Variants in MAF observed in about 807,000 individuals in gnomAD.
The protein encoded by MAF is transcription factor Maf.
In MAF, 10 loss-of-function variants were observed where a neutral mutation model predicts 22.0. The observed-to-expected ratio is 0.45, with a 90% CI of 0.28 to 0.77. MAF has a LOEUF of 0.77. Among genes scored for constraint, MAF ranks in the 30% least tolerant of loss-of-function variants. The probability of loss-of-function intolerance (pLI) is 0.12; values close to 1 mark genes in which losing one functional copy is unlikely to be tolerated. For synonymous variants in MAF, 337 were observed against 255.8 expected (o/e 1.32, Z -3.03); for missense variants, 544 against 548.4 (o/e 0.99, Z 0.08).
At chr16:79,439,156 T>G in the MAF span, among the ~76,000 whole-genome samples, 1 of 152,096 alleles carries the variant, frequency 6.6e-6, no homozygotes, top group African/African-American at 2.4e-5. Context: ...CATCGTTCAT[T>G]TACGTACCAA....
At chr16:79,342,400 G>C in the MAF span, among the ~76,000 whole-genome samples, 1 of 152,218 alleles carries the variant, frequency 6.6e-6, no homozygotes, top group Non-Finnish European at 1.5e-5. Context: ...GGCAGTTAAA[G>C]GGGCTTGAAT....
chr16:79,455,338 G>A, the MAF span, among the ~76,000 whole-genome samples: 5 of 152,130 alleles, frequency 3.3e-5, no homozygotes, highest in Non-Finnish European at 4.4e-5. Context: ...CTTTAAAAAC[G>A]ATGCTCTTTG....
the MAF span, among the ~76,000 whole-genome samples, chr16:79,237,515 A>C: frequency 6.6e-6 from 1 of 152,026 alleles, no homozygotes; most frequent in Admixed American, 6.6e-5. Context: ...CTCACTTCCC[A>C]TGGTTCTTCT....
chr16:79,487,512 C>A, the MAF span, among the ~76,000 whole-genome samples: 11 of 151,982 alleles, frequency 7.2e-5, no homozygotes, highest in Non-Finnish European at 1.2e-4. Flanking sequence ...TGAAAGAAGG[C>A]ATTTTTTCTG....
the MAF span, among the ~76,000 whole-genome samples, chr16:79,254,286 G>C: frequency 6.6e-6 from 1 of 151,962 alleles, no homozygotes; most frequent in East Asian, 1.9e-4. Context: ...TATATATGTA[G>C]TAGTGTATGC....
chr16:79,282,068 C>T, the MAF span, among the ~76,000 whole-genome samples: 43 of 152,056 alleles, frequency 2.8e-4, 1 homozygote, highest in South Asian at 1.2e-3. Context: ...TATGGGAGGC[C>T]GAGGCTGTTG....
At chr16:79,555,842 T>C in the MAF span, among the ~76,000 whole-genome samples, 1 of 152,182 alleles carries the variant, frequency 6.6e-6, no homozygotes, top group Admixed American at 6.5e-5. Flanking sequence ...CAGATATAGA[T>C]AACTTTGAGG....
chr16:79,256,707 C>T, the MAF span, among the ~76,000 whole-genome samples: 9 of 152,316 alleles, frequency 5.9e-5, 1 homozygote, highest in Admixed American at 2.6e-4. Flanking sequence ...CATGTCTGTT[C>T]ACCGGCACTC....
At chr16:79,276,812 C>T in the MAF span, among the ~76,000 whole-genome samples, 80 of 152,214 alleles carry the variant, frequency 5.3e-4, no homozygotes, top group Admixed American at 2.8e-3. Flanking sequence ...ATTCATTCTC[C>T]CCACAGTTCT....
At chr16:79,317,464 T>C in the MAF span, among the ~76,000 whole-genome samples, 1 of 118,876 alleles carries the variant, frequency 8.4e-6, no homozygotes, top group Non-Finnish European at 1.7e-5. Context: ...CCTCTCTCCC[T>C]CTTTTCTTCC....
chr16:79,535,911 C>T, the MAF span, among the ~76,000 whole-genome samples: 1 of 152,176 alleles, frequency 6.6e-6, no homozygotes, highest in Non-Finnish European at 1.5e-5. Flanking sequence ...AATAGTTTAG[C>T]TATATGTGAT....
the MAF span, chr16:79,264,517 C>T: frequency 1.3e-5 from 2 of 152,252 alleles, no homozygotes; most frequent in Admixed American, 1.3e-4. Flanking sequence ...TAAGCAGGGT[C>T]AGGCCTGGTT....
chr16:79,316,388 T>C, the MAF span, among the ~76,000 whole-genome samples: 1 of 152,218 alleles, frequency 6.6e-6, no homozygotes, highest in Non-Finnish European at 1.5e-5. Flanking sequence ...CACTGTGGTC[T>C]GCAGGACACT....
At chr16:79,221,137 T>C in the MAF span, among the ~76,000 whole-genome samples, 1 of 152,238 alleles carries the variant, frequency 6.6e-6, no homozygotes, top group Non-Finnish European at 1.5e-5. Context: ...CTTTCTTGAC[T>C]GCGTTGGGAA....
chr16:79,500,936 T>C, the MAF span, among the ~76,000 whole-genome samples: 1 of 152,146 alleles, frequency 6.6e-6, no homozygotes, highest in Non-Finnish European at 1.5e-5. Flanking sequence ...ACCGCCATAT[T>C]TTTTGGTGTT....
the MAF span, among the ~76,000 whole-genome samples, chr16:79,441,518 A>C: frequency 6.6e-6 from 1 of 152,232 alleles, no homozygotes; most frequent in Non-Finnish European, 1.5e-5. Context: ...TATTTTAATA[A>C]AATTTTACTT....
the MAF span, among the ~76,000 whole-genome samples, chr16:79,558,527 C>G: frequency 1.3e-5 from 2 of 152,136 alleles, no homozygotes; most frequent in South Asian, 2.1e-4. Context: ...TATTTTCTCA[C>G]TTAAGAGAGA....
chr16:79,462,161 A>G, the MAF span, among the ~76,000 whole-genome samples: 1 of 152,202 alleles, frequency 6.6e-6, no homozygotes, highest in Non-Finnish European at 1.5e-5. Flanking sequence ...GATACCGATA[A>G]TAATGGCCAC....
chr16:79,266,074 G>C, the MAF span, among the ~76,000 whole-genome samples: 2 of 150,246 alleles, frequency 1.3e-5, no homozygotes, highest in East Asian at 3.9e-4. Flanking sequence ...AGGTCTCACT[G>C]TGTTGCCTAG....
Sources: allele counts gnomAD v4.1 joint callset (sites outside exome capture counted in the v4.1 genomes callset), GRCh38; gene constraint gnomAD v4.1.1; transcripts MANE v1.5; gene names NCBI Gene and HGNC (gene_info 2026-07-23, HGNC 2026-07-21).